CFAP206: variants seen among roughly 807,000 people sequenced by gnomAD.
CFAP206 encodes cilia- and flagella-associated protein 206.
CFAP206 carries 53 observed loss-of-function variants against 65.4 expected under a neutral mutation model. That is an observed-to-expected ratio of 0.81 (90% CI 0.65 to 1.02). The LOEUF (loss-of-function observed/expected upper bound fraction) is 1.02. Among genes scored for constraint, CFAP206 ranks in the 50% least tolerant of loss-of-function variants. The pLI is 0.00. For synonymous variants in CFAP206, 250 were observed against 254.4 expected, an observed-to-expected ratio of 0.98 and a Z score of 0.17; for missense variants, 663 against 753.2, an observed-to-expected ratio of 0.88 and a Z score of 1.40.
rs777643063 is a variant in CFAP206 at position 87,415,604 on chromosome 6, C to A, written c.284-82C>A. On this transcript the variant is annotated intron_variant, in intron 4 of 12. Coordinates refer to ENST00000369562, the MANE Select transcript of CFAP206 (RefSeq NM_001031743.3). The stretch of plus-strand genomic sequence containing the variant: ...TTTTCCTGAAGTAGAATTGCCATAT[C>A]CAATCCAGTTTTTCTCTAGTTCTTA... 6.4e-6 allele frequency: 8 copies of A among 1,243,706 alleles called. No homozygotes were observed. In the Admixed American group the frequency reaches 1.4e-4, roughly 21 times the overall value. The allele number at this position is 1,243,706 out of a possible 1,614,324, so 77.0% of individuals were successfully genotyped here.
chr6:87,441,039 T>G (rs1355723645), intron 11 of CFAP206: 2 of 153,472 alleles, frequency 1.3e-5, no homozygotes, highest in African/African-American at 4.8e-5. Flanking sequence ...ATGATTAAAC[T>G]ATAGTACATG....
At chr6:87,448,751 CAT>C (rs759197841) in intron 11 of CFAP206, among the ~76,000 whole-genome samples, 8 of 152,094 alleles carry the variant, frequency 5.3e-5, no homozygotes, top group Non-Finnish European at 8.8e-5. Flanking sequence ...ATGAGTGAAA[CAT>C]GTGATATTTG....
In CFAP206 at chr6:87,409,880, T is replaced by C; in HGVS notation, c.41T>C (p.Ile14Thr). 6.2e-7 allele frequency: 1 copy of C among 1,613,544 alleles called. No homozygotes were observed. The highest frequency in any genetic ancestry group is 8.5e-7 in the Non-Finnish European group (1 of 1,179,708). Residue 14 changes from isoleucine to threonine, a missense_variant, in exon 2 of 13, where the codon ATA (isoleucine) becomes ACA (threonine). Physicochemically the swap from Ile to Thr is moderately conservative, Grantham distance 89. Transcript: ENST00000369562. ...GCCGAAAGTGTTATAAGGAGTATTA[T>C]ACGAGAAATAGGACAAGAATGTGCA... ...TQAESVIRSI[I>T]REIGQECAAH...
chr6:87,445,105 C>A, intron 11 of CFAP206: 1 of 445,672 alleles, frequency 2.2e-6, no homozygotes, highest in Non-Finnish European at 4.4e-6. Flanking sequence ...TTTAGGGCTT[C>A]AGTGGCAGCC....
intron 11 of CFAP206, among the ~76,000 whole-genome samples, chr6:87,437,637 T>C (rs1232908692): frequency 6.6e-6 from 1 of 151,834 alleles, no homozygotes; most frequent in East Asian, 1.9e-4. Flanking sequence ...CTAGGATTAT[T>C]CTTTACATTT....
intron 12 of CFAP206, among the ~76,000 whole-genome samples, chr6:87,461,708 T>G (rs1038599000): frequency 2.7e-5 from 2 of 74,108 alleles, no homozygotes; most frequent in Non-Finnish European, 5.0e-5. Flanking sequence ...ATTTATAGTA[T>G]GGAAAAAATA....
At position 87,418,278 on chromosome 6, in the gene CFAP206, G is replaced by A; in HGVS notation, c.702G>A (p.Arg234=). The part of the protein sequence containing the change: ...QHIDYQLETA[R]SQVYRYTAIL... ...TTGATTACCAGCTTGAGACTGCCCG[G>A]AGCCAGGTATACCGCTACACAGCCA... The change falls in exon 7 of 13, where the codon CGG becomes CGA. Residue 234 remains arginine, a synonymous_variant. Transcript: ENST00000369562. The A allele has an allele frequency of 6.2e-7, 1 of 1,614,082 alleles. No homozygotes were observed. The highest frequency in any genetic ancestry group is 1.1e-5 in the South Asian group (1 of 91,078).
At chr6:87,427,891 G>A (rs1336456969) in intron 8 of CFAP206, among the ~76,000 whole-genome samples, 2 of 151,658 alleles carry the variant, frequency 1.3e-5, no homozygotes, top group Non-Finnish European at 2.9e-5. Flanking sequence ...TACTTATGAA[G>A]GTGTTTTTTT....
intron 11 of CFAP206, among the ~76,000 whole-genome samples, chr6:87,440,388 GTTTTTTTTTCTTAA>G (rs1768343582): frequency 6.6e-6 from 1 of 150,838 alleles, no homozygotes. Flanking sequence ...GAGTCTGTTA[GTTTTTTTTTCTTAA>G]TGTGGGCCAT....
chr6:87,428,606 ATT>A lies in CFAP206; in HGVS notation c.961-13_961-12del. 6.2e-7 allele frequency: 1 copy of A among 1,602,034 alleles called. No homozygotes were observed. Among genetic ancestry groups the A allele is most frequent in the Non-Finnish European group, 8.6e-7 (1 of 1,169,374 alleles). On this transcript the variant is annotated intron_variant, in intron 8 of 12. Coordinates refer to ENST00000369562, the MANE Select transcript of CFAP206 (RefSeq NM_001031743.3). The stretch of plus-strand genomic sequence containing the variant: ...TTTATTACACAGTTGCATTTTGAAT[ATT>A]TTTTTTCTCTTCCTCAGCCTATCTT...
At chr6:87,444,743 G>T in intron 11 of CFAP206, 1 of 439,010 alleles carries the variant, frequency 2.3e-6, no homozygotes, top group Non-Finnish European at 4.4e-6. Flanking sequence ...TCATGGTTTT[G>T]CTCATACTTT....
At chr6:87,437,972 C>T (rs1239964038) in intron 11 of CFAP206, among the ~76,000 whole-genome samples, 1 of 151,734 alleles carries the variant, frequency 6.6e-6, no homozygotes, top group African/African-American at 2.4e-5. Context: ...GTGTGAGCCA[C>T]CACATCCAGC....
At chr6:87,433,572 A>C (rs1233983028) in intron 10 of CFAP206, among the ~76,000 whole-genome samples, 1 of 152,042 alleles carries the variant, frequency 6.6e-6, no homozygotes, top group African/African-American at 2.4e-5. Flanking sequence ...TGCAGTAGTT[A>C]GTTGAAGTAG....
rs549525189 is a variant in CFAP206, at chr6:87,413,883, T to C, written c.266T>C (p.Met89Thr). 2.2e-5 allele frequency: 34 copies of C among 1,537,776 alleles called. 1 individual carries two copies. The South Asian group carries it at 4.3e-4, about 20-fold the overall frequency. ...ATTAAGATGCAAGTCTACTTCGATA[T>C]GAATTATACGAATCGAGGTAATGTA... is the stretch of plus-strand genomic sequence containing the variant. The part of the protein sequence containing the change: ...DTIKMQVYFD[M>T]NYTNRVEFLE... Residue 89 changes from methionine (M) to threonine (T), a missense_variant, in exon 4 of 13, where the codon ATG becomes ACG. Physicochemically the swap from Met to Thr is moderately conservative, Grantham distance 81. Transcript: ENST00000369562.
At chr6:87,449,831 T>A (rs1768509704) in intron 11 of CFAP206, among the ~76,000 whole-genome samples, 1 of 152,178 alleles carries the variant, frequency 6.6e-6, no homozygotes, top group African/African-American at 2.4e-5. Context: ...TAGTTTGATA[T>A]AATCCCATTT....
intron 11 of CFAP206, 113 bp downstream of exon 11, chr6:87,435,166 G>T: frequency 1.5e-6 from 1 of 668,458 alleles, no homozygotes; most frequent in Non-Finnish European, 2.5e-6. Context: ...GTCAGATGAG[G>T]GTCTTTACAG....
rs552455955 is a variant in CFAP206 at position 87,461,107 on chromosome 6, C to T, written c.1580C>T (p.Thr527Met). 98 of 1,589,884 alleles carry T rather than the reference C, an allele frequency of 6.2e-5. No homozygotes were observed. The highest frequency in any genetic ancestry group is 1.6e-4 in the African/African-American group (12 of 73,312). ...TQTNTHILPPTIVRSYEWNEW... is the reference protein window; with the variant it reads ...TQTNTHILPPMIVRSYEWNEW... ...ACGAATACACACATACTGCCACCAA[C>T]GATTGTGAGATCATATGAGTGGAAT... The change falls in exon 12 of 13, where the codon ACG becomes ATG. Residue 527 changes from threonine to methionine, a missense_variant. Physicochemically the swap from Thr to Met is moderately conservative, Grantham distance 81. Coordinates refer to ENST00000369562, the MANE Select transcript of CFAP206 (RefSeq NM_001031743.3).
At chr6:87,447,951 T>TTTATTATTATTATTA (rs71018018) in intron 11 of CFAP206, among the ~76,000 whole-genome samples, 3,957 of 146,864 alleles carry the variant, frequency 0.027, 158 homozygotes, top group African/African-American at 0.084. Context: ...CTAGATTTTC[T>TTTATTATTATTATTA]TTATTATTAT....
At chr6:87,411,613 A>G (rs1422424441) in intron 3 of CFAP206, among the ~76,000 whole-genome samples, 1 of 151,600 alleles carries the variant, frequency 6.6e-6, no homozygotes, top group African/African-American at 2.4e-5. Flanking sequence ...CCAGCCCCCT[A>G]GGTTTTTTTC....
Sources: allele counts gnomAD v4.1 joint callset (sites outside exome capture counted in the v4.1 genomes callset), GRCh38; gene constraint gnomAD v4.1.1; transcripts MANE v1.5; gene names NCBI Gene and HGNC (gene_info 2026-07-23, HGNC 2026-07-21).